PXMP2: variants seen among roughly 807,000 people sequenced by gnomAD.
PXMP2 encodes peroxisomal membrane protein 2.
PXMP2 carries 13 observed loss-of-function variants against 20.2 expected under a neutral mutation model. The ratio of observed to expected loss-of-function variants is 0.64; its 90% CI spans 0.42 to 1.02. The LOEUF (loss-of-function observed/expected upper bound fraction) is 1.02, where lower values mean the gene tolerates loss of function less well. Among genes scored for constraint, PXMP2 ranks in the 50% least tolerant of loss-of-function variants. PXMP2 has a pLI of 0.00. For synonymous variants in PXMP2, 113 were observed against 111.2 expected (o/e 1.02, Z -0.10); for missense variants, 284 against 251.8 (o/e 1.13, Z -0.87).
Position 132,690,253 on chromosome 12 carries a change from C to G in PXMP2, c.123-10C>G, listed in dbSNP as rs372807752. The G allele has an allele frequency of 1.7e-4, 266 of 1,609,486 alleles. No homozygotes were observed. The African/African-American group carries it at 3.3e-3, about 20-fold the overall frequency. Reference sequence around the variant, plus strand: ...TCACTGCTGTTTTCTGATGACCTCCCTCTCCACAGTGGCATTTTGTCAGCA... The same window carrying G: ...TCACTGCTGTTTTCTGATGACCTCCGTCTCCACAGTGGCATTTTGTCAGCA... On this transcript the variant is annotated splice_polypyrimidine_tract_variant and intron_variant, in intron 1 of 4. Coordinates refer to ENST00000317479, the MANE Select transcript of PXMP2 (RefSeq NM_018663.3).
Position 132,704,649 on chromosome 12 carries a change from C to G in PXMP2, c.550C>G (p.Leu184Val). 6.6e-7 allele frequency: 1 copy of G among 1,505,338 alleles called. No individual in the cohort carries two copies. The highest frequency in any genetic ancestry group is 2.5e-5 in the East Asian group (1 of 40,016). 93.2% of individuals were successfully genotyped at this position (1,505,338 alleles called of 1,614,324 possible). A position where few individuals can be genotyped will look rare whatever the true frequency, so the allele number is the denominator to read the frequency against. The change falls in exon 5 of 5, where the codon CTG becomes GTG. Residue 184 changes from leucine (L) to valine (V), a missense_variant. By Grantham distance (32) the Leu-to-Val change is conservative. Transcript: ENST00000317479. ...GGTGCTCTTCGCCAACCTGGCAGCT[C>G]TGTTCTGGTATGCCTACCTGGCCTC... The part of the protein sequence containing the change: ...FRVLFANLAA[L>V]FWYAYLASLG...
chr12:132,704,817 G>T lies in PXMP2; in HGVS notation c.*130G>T, dbSNP rs968695256. 3 of 863,768 alleles carry T rather than the reference G, an allele frequency of 3.5e-6. No individual in the cohort carries two copies. The Admixed American group carries it at 6.1e-5, about 17-fold the overall frequency. 53.5% of individuals were successfully genotyped at this position (863,768 alleles called of 1,614,324 possible). A position where few individuals can be genotyped will look rare whatever the true frequency, so the allele number is the denominator to read the frequency against. On this transcript the variant is annotated 3_prime_UTR_variant, in exon 5 of 5. Coordinates refer to ENST00000317479, the MANE Select transcript of PXMP2 (RefSeq NM_018663.3). ...CAGGTGATTCAAGATGCCCAAAAAT[G>T]ATGGATAGAGAAACAGAAATCTCTG...
intron 2 of PXMP2, among the ~76,000 whole-genome samples, chr12:132,690,869 TTTAATTGGATGGGTAGGGGTGACTGTC>T (rs1463588237): frequency 6.6e-6 from 1 of 151,772 alleles, no homozygotes; most frequent in African/African-American, 2.4e-5. Flanking sequence ...CATGTTTCTT[TTTAATTGGATGGGTAGGGGTGACTGTC>T]TTAATTGGGC....
At chr12:132,693,927 A>G (rs2043390295) in intron 2 of PXMP2, among the ~76,000 whole-genome samples, 1 of 86,774 alleles carries the variant, frequency 1.2e-5, no homozygotes, top group Non-Finnish European at 2.5e-5. Context: ...CGCCCTTGCC[A>G]GTTAGTTAGT....
intron 1 of PXMP2, chr12:132,688,081 C>T: frequency 4.9e-6 from 1 of 205,824 alleles, no homozygotes; most frequent in Non-Finnish European, 9.6e-6. Flanking sequence ...AGGGGCCCCG[C>T]GCGCCCGGGG....
At chr12:132,704,554 T>G in intron 4 of PXMP2, 65 bp from the exon 5 acceptor site, 24 of 1,265,080 alleles carry the variant, frequency 1.9e-5, no homozygotes, top group Non-Finnish European at 2.4e-5. Flanking sequence ...ACTGGGTGAC[T>G]GAGGCTGGAT....
intron 1 of PXMP2, among the ~76,000 whole-genome samples, chr12:132,689,545 G>A (rs2043354936): frequency 6.6e-6 from 1 of 152,186 alleles, no homozygotes; most frequent in Admixed American, 6.5e-5. Flanking sequence ...GGCAGGAGAT[G>A]TGAAGGGAAT....
At chr12:132,692,496 TA>T (rs1169617982) in intron 2 of PXMP2, among the ~76,000 whole-genome samples, 1 of 90,040 alleles carries the variant, frequency 1.1e-5, no homozygotes, top group Non-Finnish European at 2.5e-5. Flanking sequence ...TGAGCTCCCT[TA>T]GCCAGTTAGT....
At position 132,698,276 on chromosome 12, in the gene PXMP2, C is replaced by G. The variant is rs758071408; in HGVS notation, c.399+2230C>G. On this transcript the variant is annotated intron_variant, in intron 3 of 4. Transcript: ENST00000317479. ...CCACCCGCCTCGGTCTCTCAAAGTGCTAGGATTACAGGTGTGAGCCACTGC... is the reference window on the plus strand; with the variant it reads ...CCACCCGCCTCGGTCTCTCAAAGTGGTAGGATTACAGGTGTGAGCCACTGC... 5.8e-4 allele frequency among the ~76,000 whole-genome samples: 88 copies of G among 152,202 alleles called. 1 individual carries two copies. The highest frequency in any genetic ancestry group is 1.9e-4 in the Non-Finnish European group (13 of 68,038).
At chr12:132,693,787 T>C (rs1301719318) in intron 2 of PXMP2, among the ~76,000 whole-genome samples, 1 of 106,578 alleles carries the variant, frequency 9.4e-6, no homozygotes. Flanking sequence ...CCTTGCCAGT[T>C]AGTTAGTTAG....
At position 132,696,978 on chromosome 12, in the gene PXMP2, A is replaced by AAAAAAAG. The variant is rs367921410; in HGVS notation, c.399+950_399+956dup. Reference sequence around the variant, plus strand: ...CAACAGAGCAAGACTCTGCCTCAAAAAAAAAAGAAAAAAGAAAAAAGAAAC... The same window carrying AAAAAAAG: ...CAACAGAGCAAGACTCTGCCTCAAAAAAAAAAGAAAAAAGAAAAAAGAAAAAAGAAAC... On this transcript the variant is annotated intron_variant, in intron 3 of 4. Transcript: ENST00000317479. The surrounding 1 kb of genome is among the most constrained non-coding windows in gnomAD (Gnocchi z 4.4). 1.3e-5 allele frequency among the ~76,000 whole-genome samples: 2 copies of AAAAAAAG among 151,500 alleles called. No individual in the cohort carries two copies. The highest frequency in any genetic ancestry group is 2.9e-5 in the Non-Finnish European group (2 of 67,878).
chr12:132,702,699 G>C (rs911562455), intron 4 of PXMP2: 1 of 172,300 alleles, frequency 5.8e-6, no homozygotes, highest in African/African-American at 2.4e-5. Context: ...CAGGCACAGG[G>C]CAGGTGGCCC....
rs779487819 is a variant in PXMP2, at chr12:132,701,288, G to T, written c.438G>T (p.Gly146=). ...CAGCCTTCGCCGCCAAGATGAGGGG[G>T]GGCTTCTGGCCGGCGCTGAGGATGA... is the stretch of plus-strand genomic sequence containing the variant. The part of the protein sequence containing the change: ...DASAFAAKMR[G]GFWPALRMNW... The change falls in exon 4 of 5, where the codon GGG becomes GGT. Residue 146 remains glycine (G), a synonymous_variant. Coordinates refer to ENST00000317479, the MANE Select transcript of PXMP2 (RefSeq NM_018663.3). 9 of 1,612,792 alleles carry T rather than the reference G, an allele frequency of 5.6e-6. No individual in the cohort carries two copies. The East Asian group carries it at 1.8e-4, about 32-fold the overall frequency.
rs537281016 is a variant in PXMP2 at position 132,696,916 on chromosome 12, G to C, written c.399+870G>C. On this transcript the variant is annotated intron_variant, in intron 3 of 4. Transcript: ENST00000317479. The surrounding 1 kb of genome is among the most constrained non-coding windows in gnomAD (Gnocchi z 4.4). Reference sequence around the variant, plus strand: ...CTTGAAGCCGGGAGGTGGAGGTTGTGGTGAGCTGAGATTGTGCCACTGCAC... The same window carrying C: ...CTTGAAGCCGGGAGGTGGAGGTTGTCGTGAGCTGAGATTGTGCCACTGCAC... Among the ~76,000 whole-genome samples, 1 of 152,124 alleles carries C rather than the reference G, an allele frequency of 6.6e-6. No homozygotes were observed. Among genetic ancestry groups the C allele is most frequent in the South Asian group, 2.1e-4 (1 of 4,808 alleles).
Position 132,687,682 on chromosome 12 carries a change from C to A in PXMP2, c.12C>A (p.Ala4=). Residue 4 remains alanine (A), a synonymous_variant, in exon 1 of 5, where the codon GCC becomes GCA. Coordinates refer to ENST00000317479, the MANE Select transcript of PXMP2 (RefSeq NM_018663.3). Reference sequence around the variant, plus strand: ...GCGCTGGGGAGGCGATGGCGCCGGCCGCGTCCAGGCTGCGGGCCGAAGCCG... The same window carrying A: ...GCGCTGGGGAGGCGATGGCGCCGGCAGCGTCCAGGCTGCGGGCCGAAGCCG... MAP[A]ASRLRAEAGL... 8.5e-7 allele frequency: 1 copy of A among 1,175,968 alleles called. No individual in the cohort carries two copies. The allele number at this position is 1,175,968 out of a possible 1,614,324, so 72.8% of individuals were successfully genotyped here.
rs750999182 is a variant in PXMP2 at position 132,687,799 on chromosome 12, G to C, written c.122+7G>C. The stretch of plus-strand genomic sequence containing the variant: ...TCACCAAGGCGGCCACCAGGTGAGC[G>C]GGGGCGCGGGAATCGGACGCCGCCC... On this transcript the variant is annotated splice_region_variant and intron_variant, in intron 1 of 4. Transcript: ENST00000317479. 4 of 1,149,518 alleles carry C rather than the reference G, an allele frequency of 3.5e-6. No individual in the cohort carries two copies. Among genetic ancestry groups the C allele is most frequent in the Non-Finnish European group, 4.3e-6 (4 of 935,564 alleles). 71.2% of individuals were successfully genotyped at this position (1,149,518 alleles called of 1,614,324 possible).
Position 132,695,958 on chromosome 12 carries a change from T to C in PXMP2, c.311T>C (p.Leu104Pro). Residue 104 changes from leucine to proline, a missense_variant, in exon 3 of 5, where the codon CTG (leucine) becomes CCG (proline). Transcript: ENST00000317479. ...MEHWIPPEVP[L>P]AGLRRLLLDR... is the part of the protein sequence containing the mutation. The stretch of plus-strand genomic sequence containing the variant: ...CATTGGATCCCTCCTGAGGTCCCCC[T>C]GGCAGGGCTCAGGAGGCTTCTCCTG... The C allele has an allele frequency of 1.9e-6, 3 of 1,612,902 alleles. No homozygotes were observed. The highest frequency in any genetic ancestry group is 2.5e-6 in the Non-Finnish European group (3 of 1,179,458).
chr12:132,698,614 T>A (rs1041864057), intron 3 of PXMP2, among the ~76,000 whole-genome samples: 1 of 152,228 alleles, frequency 6.6e-6, no homozygotes, highest in African/African-American at 2.4e-5. Context: ...ATCTGCACTC[T>A]TTGTTCTTTT....
At chr12:132,694,458 C>CAGTT (rs1402713484) in intron 2 of PXMP2, among the ~76,000 whole-genome samples, 7 of 74,336 alleles carry the variant, frequency 9.4e-5, no homozygotes, top group African/African-American at 2.3e-4. Context: ...CTCCCTTAGC[C>CAGTT]AGTTAGTGAG....
Sources: allele counts gnomAD v4.1 joint callset (sites outside exome capture counted in the v4.1 genomes callset), GRCh38; gene constraint gnomAD v4.1.1; non-coding constraint Gnocchi (gnomAD v3.1); transcripts MANE v1.5; gene names NCBI Gene and HGNC (gene_info 2026-07-23, HGNC 2026-07-21).